The following DMD variants were observed in gnomAD, a reference collection of about 807,000 sequenced individuals.
DMD encodes the protein dystrophin.
In DMD, 63 loss-of-function variants were observed where a neutral mutation model predicts 330.1. The ratio of observed to expected loss-of-function variants is 0.19; its 90% CI spans 0.16 to 0.24. The LOEUF is 0.24. DMD is among the 10% of genes least tolerant of loss of function. The probability of loss-of-function intolerance (pLI) is 1.00; values close to 1 mark genes in which losing one functional copy is unlikely to be tolerated. For synonymous variants in DMD, 1,223 were observed against 959.8 expected (o/e 1.27, Z -5.07); for missense variants, 3,344 against 2,684.1 (o/e 1.25, Z -5.43).
intron 45 of DMD, among the ~76,000 whole-genome samples, chrX:31,963,999 A>G (rs2095329947): frequency 9.0e-6 from 1 of 111,328 alleles, no homozygotes; most frequent in South Asian, 3.8e-4. Flanking sequence ...ACCTGAAGCA[A>G]GTAATAAAAC....
chrX:32,033,959 A>T (rs1307210938), intron 44 of DMD, among the ~76,000 whole-genome samples: 1 of 111,701 alleles, frequency 9.0e-6, no homozygotes, highest in Non-Finnish European at 1.9e-5. Flanking sequence ...AAAGATGACA[A>T]TTTTTTAAAT....
At chrX:32,778,867 GTCATGTA>G (rs72006644) in intron 7 of DMD, among the ~76,000 whole-genome samples, 8,940 of 110,704 alleles carry the variant, frequency 0.081, 917 homozygotes, top group African/African-American at 0.28. Flanking sequence ...ATTCCCCTGT[GTCATGTA>G]TCATGTACTA....
At chrX:31,333,702 T>A (rs1351877355) in intron 61 of DMD, among the ~76,000 whole-genome samples, 1 of 109,861 alleles carries the variant, frequency 9.1e-6, no homozygotes, top group Non-Finnish European at 1.9e-5. Context: ...CCTCTTCGAT[T>A]TTTTTTTTCC....
chrX:31,538,239 C>T (rs1053874636), intron 55 of DMD, among the ~76,000 whole-genome samples: 1 of 112,335 alleles, frequency 8.9e-6, no homozygotes, highest in African/African-American at 3.2e-5. Context: ...TGCATTTTCA[C>T]TGTGACTTGT....
chrX:31,398,522 C>T (rs1393935207), intron 60 of DMD, among the ~76,000 whole-genome samples: 2 of 112,281 alleles, frequency 1.8e-5, no homozygotes, highest in African/African-American at 6.5e-5. Flanking sequence ...CTCCTGGGCT[C>T]AAGCAATTCT....
intron 9 of DMD, among the ~76,000 whole-genome samples, chrX:32,695,175 C>A (rs1019721407): frequency 2.9e-4 from 32 of 112,002 alleles, no homozygotes; most frequent in African/African-American, 9.1e-4. Context: ...ATAAGAATCA[C>A]CGTCGAGAAA....
intron 2 of DMD, among the ~76,000 whole-genome samples, chrX:32,925,145 G>GTTTTTT (rs777224221): frequency 4.1e-5 from 2 of 48,529 alleles, no homozygotes; most frequent in African/African-American, 1.6e-4. Context: ...AAAACTCTGG[G>GTTTTTT]TTTTTTTTTT....
intron 2 of DMD, among the ~76,000 whole-genome samples, chrX:33,003,323 AT>A (rs1458374366): frequency 8.9e-6 from 1 of 112,054 alleles, no homozygotes; most frequent in Non-Finnish European, 1.9e-5. Flanking sequence ...AAAATACATT[AT>A]TTCATTCCTG....
intron 7 of DMD, among the ~76,000 whole-genome samples, chrX:32,745,827 G>A (rs1463929706): frequency 8.9e-6 from 1 of 112,152 alleles, no homozygotes; most frequent in Non-Finnish European, 1.9e-5. Flanking sequence ...TAGTCATATA[G>A]TCGAAGACTT....
chrX:31,135,086 AAGTC>A (rs1325969308), intron 76 of DMD, among the ~76,000 whole-genome samples: 1 of 112,090 alleles, frequency 8.9e-6, no homozygotes, highest in Non-Finnish European at 1.9e-5. Context: ...ATAAAAGAAA[AAGTC>A]AATTGAAAAA....
intron 59 of DMD, among the ~76,000 whole-genome samples, chrX:31,444,941 G>T (rs1021927319): frequency 1.8e-5 from 2 of 111,301 alleles, no homozygotes; most frequent in Non-Finnish European, 3.8e-5. Context: ...GCAGTGAGAA[G>T]GTGCTTTGTA....
intron 17 of DMD, among the ~76,000 whole-genome samples, chrX:32,527,570 T>C (rs2047037981): frequency 9.1e-6 from 1 of 109,746 alleles, no homozygotes; most frequent in African/African-American, 3.3e-5. Context: ...TCTCTGCTTG[T>C]TTCCACATGG....
chrX:31,314,710 A>C (rs1347645593), intron 62 of DMD, among the ~76,000 whole-genome samples: 3 of 104,851 alleles, frequency 2.9e-5, no homozygotes, highest in Non-Finnish European at 5.7e-5. Flanking sequence ...CAATGCACTC[A>C]CAGTCTATTT....
chrX:32,468,834 T>C, intron 22 of DMD, 124 bp from the exon 23 acceptor site: 1 of 570,208 alleles, frequency 1.8e-6, no homozygotes, highest in South Asian at 3.0e-5. Context: ...GATGATCTTC[T>C]ATCAGTTATA....
intron 51 of DMD, among the ~76,000 whole-genome samples, chrX:31,752,402 C>T (rs761247296): frequency 9.0e-6 from 1 of 110,928 alleles, no homozygotes; most frequent in East Asian, 2.9e-4. Context: ...CTAGAAAGCA[C>T]AGGAGGCAAA....
chrX:32,339,776 T>C (rs1163753977), intron 41 of DMD, among the ~76,000 whole-genome samples: 1 of 112,116 alleles, frequency 8.9e-6, no homozygotes, highest in African/African-American at 3.2e-5. Flanking sequence ...TATTTCAACA[T>C]GTTGCTGTAA....
At chrX:33,283,364 C>T (rs1047210035) in intron 1 of DMD, among the ~76,000 whole-genome samples, 3 of 110,590 alleles carry the variant, frequency 2.7e-5, no homozygotes, top group Non-Finnish European at 5.7e-5. Context: ...CATGGTGAAA[C>T]CCCGTCTCTA....
Position 32,949,379 on chromosome X carries a change from TAGATAGATAGATAGACAGAC to T in DMD, c.93+70740_93+70759del, listed in dbSNP as rs1208753965. 3.2e-5 allele frequency among the ~76,000 whole-genome samples: 3 copies of T among 93,066 alleles called. No homozygotes were observed. The East Asian group carries it at 9.1e-4, about 28-fold the overall frequency. The allele number at this position is 93,066 out of a possible 115,157, so 80.8% of individuals were successfully genotyped here. ...ATAGATAGATAGATAGATAGATAGA[TAGATAGATAGATAGACAGAC>T]AGACAGACAGACAGACAGATAGGCA... On this transcript the variant is annotated intron_variant, in intron 2 of 78. Coordinates refer to ENST00000357033, the MANE Select transcript of DMD (RefSeq NM_004006.3).
At chrX:32,597,360 T>G (rs2055677351) in intron 12 of DMD, among the ~76,000 whole-genome samples, 1 of 111,924 alleles carries the variant, frequency 8.9e-6, no homozygotes. Context: ...TCCTTCTCAC[T>G]ATGTATTACA....
Sources: allele counts gnomAD v4.1 joint callset (sites outside exome capture counted in the v4.1 genomes callset), GRCh38; gene constraint gnomAD v4.1.1; transcripts MANE v1.5; gene names NCBI Gene and HGNC (gene_info 2026-07-23, HGNC 2026-07-21).